Variants in ERC2 observed in about 807,000 individuals in gnomAD.
The protein encoded by ERC2 is ELKS/RAB6-interacting/CAST family member 2, also known as ERC protein 2.
In ERC2, 42 loss-of-function variants were observed where a neutral mutation model predicts 114.8. The observed-to-expected ratio is 0.37, with a 90% CI of 0.29 to 0.47. The LOEUF (loss-of-function observed/expected upper bound fraction) is 0.47, where lower values mean the gene tolerates loss of function less well. ERC2 is among the 20% of genes least tolerant of loss of function. The pLI is 0.99. For missense variants in ERC2, 939 were observed against 1,150.7 expected (o/e 0.82, Z 2.66); for synonymous variants, 454 against 425.5 (o/e 1.07, Z -0.82).
chr3:55,948,522 A>G (rs1459665040), intron 13 of ERC2, among the ~76,000 whole-genome samples: 1 of 152,206 alleles, frequency 6.6e-6, no homozygotes, highest in Non-Finnish European at 1.5e-5. Context: ...CTCTCTATTA[A>G]CCTTAACCAG....
chr3:56,375,214 G>A (rs2059494673), intron 2 of ERC2, among the ~76,000 whole-genome samples: 1 of 152,192 alleles, frequency 6.6e-6, no homozygotes, highest in African/African-American at 2.4e-5. Flanking sequence ...GAATCCTGGA[G>A]CCAGGGCTAA....
intron 7 of ERC2, among the ~76,000 whole-genome samples, chr3:56,063,734 T>C (rs936105297): frequency 6.6e-5 from 10 of 152,218 alleles, no homozygotes; most frequent in African/African-American, 2.4e-4. Flanking sequence ...CATGCATGTA[T>C]GTATGCATAA....
intron 2 of ERC2, among the ~76,000 whole-genome samples, chr3:56,427,385 C>G (rs1431791838): frequency 6.6e-6 from 1 of 151,858 alleles, no homozygotes; most frequent in Non-Finnish European, 1.5e-5. Context: ...CTTGGCCTCC[C>G]AAAGTATTGG....
intron 13 of ERC2, among the ~76,000 whole-genome samples, chr3:55,897,417 A>G (rs536702928): frequency 2.6e-5 from 4 of 152,374 alleles, no homozygotes; most frequent in Non-Finnish European, 5.9e-5. Context: ...AAAAACAGAC[A>G]GGCTCTTCTG....
Position 56,468,295 on chromosome 3 carries a change from T to G in ERC2, c.-188A>C, listed in dbSNP as rs1378054789. 6.6e-6 allele frequency: 1 copy of G among 151,260 alleles called. No individual in the cohort carries two copies. Among genetic ancestry groups the G allele is most frequent in the Non-Finnish European group, 1.5e-5 (1 of 67,786 alleles). The allele number at this position is 151,260 out of a possible 1,614,324, so 9.4% of individuals were successfully genotyped here. ...CCGTCCCACATGGATTTTTACAACC[T>G]CTCGTCGCCTTGGCCCCGGGCGGCC... On this transcript the variant is annotated 5_prime_UTR_variant, in exon 1 of 18. Coordinates refer to ENST00000288221, the MANE Select transcript of ERC2 (RefSeq NM_015576.3).
At chr3:55,814,421 C>A (rs2059833340) in intron 14 of ERC2, among the ~76,000 whole-genome samples, 1 of 152,226 alleles carries the variant, frequency 6.6e-6, no homozygotes, top group Non-Finnish European at 1.5e-5. Flanking sequence ...CCAAGATTTC[C>A]TGCTGCCAAC....
intron 17 of ERC2, among the ~76,000 whole-genome samples, chr3:55,531,165 G>C (rs1575488727): frequency 6.6e-6 from 1 of 152,170 alleles, no homozygotes; most frequent in Admixed American, 6.5e-5. Flanking sequence ...TGATTATTAA[G>C]TGAATGATCC....
chr3:55,711,021 C>T (rs1046595920), intron 15 of ERC2, among the ~76,000 whole-genome samples: 3 of 152,182 alleles, frequency 2.0e-5, no homozygotes, highest in Admixed American at 1.3e-4. Context: ...GCAGATGAGT[C>T]CACCATGTCC....
At chr3:56,246,093 TAAAAAAAAAAA>T (rs34868223) in intron 3 of ERC2, among the ~76,000 whole-genome samples, 1 of 127,626 alleles carries the variant, frequency 7.8e-6, no homozygotes, top group Non-Finnish European at 1.7e-5. Context: ...TCAGATTCTT[TAAAAAAAAAAA>T]AAAAAAAAAA....
chr3:56,144,573 C>T (rs113873658), intron 5 of ERC2, among the ~76,000 whole-genome samples: 1 of 152,094 alleles, frequency 6.6e-6, no homozygotes, highest in South Asian at 2.1e-4. Context: ...AAGCCAGTGT[C>T]GGGTTTGGTG....
intron 1 of ERC2, among the ~76,000 whole-genome samples, chr3:56,440,261 C>G (rs9871408): frequency 0.83 from 127,052 of 152,210 alleles, 53,326 homozygotes; most frequent in East Asian, 0.93. Flanking sequence ...AAACTGAATG[C>G]GGCCGGGCGA....
At chr3:56,316,823 A>G (rs1273856102) in intron 2 of ERC2, among the ~76,000 whole-genome samples, 1 of 152,178 alleles carries the variant, frequency 6.6e-6, no homozygotes, top group African/African-American at 2.4e-5. Flanking sequence ...CTATAACACA[A>G]TCTCTTATTA....
intron 15 of ERC2, among the ~76,000 whole-genome samples, chr3:55,714,859 A>T (rs1472124169): frequency 1.3e-5 from 2 of 151,582 alleles, no homozygotes; most frequent in East Asian, 3.9e-4. Flanking sequence ...TAAAAAAAAA[A>T]AGGTTTCTCT....
At chr3:56,117,377 A>G (rs1427795779) in intron 6 of ERC2, among the ~76,000 whole-genome samples, 2 of 152,240 alleles carry the variant, frequency 1.3e-5, no homozygotes, top group African/African-American at 4.8e-5. Flanking sequence ...ATTTTACATA[A>G]TCCTCCACAG....
intron 17 of ERC2, among the ~76,000 whole-genome samples, chr3:55,634,766 C>T (rs1171230086): frequency 6.6e-5 from 10 of 152,174 alleles, no homozygotes; most frequent in East Asian, 3.9e-4. Flanking sequence ...AAAAGGATAA[C>T]GCAATCTCAC....
chr3:55,914,051 C>A (rs2064959758), intron 13 of ERC2, among the ~76,000 whole-genome samples: 1 of 151,762 alleles, frequency 6.6e-6, no homozygotes, highest in Admixed American at 6.6e-5. Context: ...CACAGCCCAG[C>A]TGAACCAGGA....
At chr3:55,543,387 C>T (rs1258325314) in intron 17 of ERC2, among the ~76,000 whole-genome samples, 3 of 152,140 alleles carry the variant, frequency 2.0e-5, no homozygotes, top group South Asian at 2.1e-4. Flanking sequence ...AAAAACATCC[C>T]GATGAAAAAG....
chr3:55,686,747 TTTTCTG>T (rs2062354620), intron 16 of ERC2, among the ~76,000 whole-genome samples: 1 of 152,232 alleles, frequency 6.6e-6, no homozygotes, highest in African/African-American at 2.4e-5. Flanking sequence ...CTTTCCTTGT[TTTTCTG>T]TTTCCAAATC....
chr3:55,889,985 T>A (rs570397651), intron 13 of ERC2, among the ~76,000 whole-genome samples: 70 of 152,176 alleles, frequency 4.6e-4, no homozygotes, highest in Non-Finnish European at 9.1e-4. Flanking sequence ...AACTGAATGA[T>A]CATGTAGTTT....
Sources: gnomAD v4.1 joint callset for allele counts (sites outside exome capture counted in the v4.1 genomes callset) on GRCh38, gnomAD v4.1.1 for gene constraint, MANE v1.5 for transcripts, NCBI Gene and HGNC (gene_info 2026-07-23, HGNC 2026-07-21) for gene names.